LSAMP: variants seen among roughly 807,000 people sequenced by gnomAD.
LSAMP encodes limbic system associated membrane protein.
A neutral mutation model predicts 38.6 loss-of-function variants in LSAMP; 7 were observed. That is an observed-to-expected ratio of 0.18 (90% CI 0.10 to 0.34). The LOEUF (loss-of-function observed/expected upper bound fraction) is 0.34, where lower values mean the gene tolerates loss of function less well. Among genes scored for constraint, LSAMP ranks in the 10% least tolerant of loss-of-function variants. The probability of loss-of-function intolerance (pLI) is 1.00; values close to 1 mark genes in which losing one functional copy is unlikely to be tolerated. For missense variants in LSAMP, 313 were observed against 420.0 expected (o/e 0.75, Z 2.23); for synonymous variants, 154 against 166.8 (o/e 0.92, Z 0.59).
chr3:116,252,391 T>C (rs1377156553), intron 1 of LSAMP, among the ~76,000 whole-genome samples: 1 of 152,176 alleles, frequency 6.6e-6, no homozygotes, highest in Non-Finnish European at 1.5e-5. Flanking sequence ...TTTCAAGCCA[T>C]CCATTTAAAG....
chr3:116,006,087 G>A (rs2107667572), intron 3 of LSAMP, among the ~76,000 whole-genome samples: 1 of 152,314 alleles, frequency 6.6e-6, no homozygotes, highest in Non-Finnish European at 1.5e-5. Context: ...TATATGCTAT[G>A]TACTGAATTG....
rs1474685731 is a variant in LSAMP, at chr3:116,233,671, C to T, written c.156-147115G>A. ...GATAATCATCAAGCTACTCTTTATT[C>T]CCATGAGATTATATTTTTTTTTTAG... On this transcript the variant is annotated intron_variant, in intron 1 of 6. Coordinates refer to ENST00000490035, the MANE Select transcript of LSAMP (RefSeq NM_002338.5). 4.6e-5 allele frequency among the ~76,000 whole-genome samples: 7 copies of T among 151,634 alleles called. No individual in the cohort carries two copies. The East Asian group carries it at 1.4e-3, about 29-fold the overall frequency.
chr3:116,226,307 A>AGG (rs1406824389), intron 1 of LSAMP, among the ~76,000 whole-genome samples: 4 of 152,216 alleles, frequency 2.6e-5, no homozygotes, highest in Admixed American at 1.3e-4. Flanking sequence ...TATCTATTCC[A>AGG]GGGAGAGCAA....
intron 3 of LSAMP, among the ~76,000 whole-genome samples, chr3:116,005,052 T>TA (rs1342680736): frequency 6.6e-6 from 1 of 152,138 alleles, no homozygotes; most frequent in African/African-American, 2.4e-5. Context: ...GTAGTAGTAG[T>TA]AGTAGCAGTG....
chr3:116,038,430 C>A (rs1223031233), intron 2 of LSAMP, among the ~76,000 whole-genome samples: 1 of 152,156 alleles, frequency 6.6e-6, no homozygotes, highest in African/African-American at 2.4e-5. Context: ...AGAGACCTCT[C>A]TCTGGACATA....
intron 1 of LSAMP, among the ~76,000 whole-genome samples, chr3:116,108,344 C>T (rs142502335): frequency 0.011 from 1,610 of 152,122 alleles, 27 homozygotes; most frequent in African/African-American, 0.035. Context: ...TAAAAGAGTA[C>T]TGTCTAAGTT....
intron 2 of LSAMP, among the ~76,000 whole-genome samples, chr3:116,084,354 A>T (rs1707939811): frequency 6.6e-6 from 1 of 151,792 alleles, no homozygotes. Flanking sequence ...AAAGGTAAAT[A>T]AGAAAAAAAA....
At chr3:115,840,453 G>C (rs1204733083) in intron 6 of LSAMP, among the ~76,000 whole-genome samples, 4 of 152,056 alleles carry the variant, frequency 2.6e-5, no homozygotes, top group African/African-American at 9.6e-5. Context: ...TAGGGATATT[G>C]ATGTCTCTAG....
In LSAMP at chr3:116,099,173, A is replaced by G. The variant is rs112951590; in HGVS notation, c.156-12617T>C. Among the ~76,000 whole-genome samples the G allele has an allele frequency of 8.8e-3, 1,339 of 152,342 alleles. 23 individuals carry two copies. Among genetic ancestry groups the G allele is most frequent in the African/African-American group, 0.029 (1,206 of 41,568 alleles). On this transcript the variant is annotated intron_variant, in intron 1 of 6. Coordinates refer to ENST00000490035, the MANE Select transcript of LSAMP (RefSeq NM_002338.5). ...GACAGCTGCAGATGCTTCAGGATGA[A>G]GGTCACACTCTGAATTCTACGAAGA...
At chr3:115,943,209 G>C (rs1937986766) in intron 3 of LSAMP, among the ~76,000 whole-genome samples, 1 of 152,180 alleles carries the variant, frequency 6.6e-6, no homozygotes, top group Non-Finnish European at 1.5e-5. Flanking sequence ...ACTCGTGTCA[G>C]AGAGTACTGG....
chr3:116,222,348 C>A (rs1259467919), intron 1 of LSAMP, among the ~76,000 whole-genome samples: 4 of 151,228 alleles, frequency 2.6e-5, no homozygotes, highest in Non-Finnish European at 4.4e-5. Context: ...CAGTTGCTTG[C>A]CATGGATGAA....
At chr3:116,008,775 G>A (rs1028364507) in intron 3 of LSAMP, among the ~76,000 whole-genome samples, 2 of 152,004 alleles carry the variant, frequency 1.3e-5, no homozygotes, top group South Asian at 4.1e-4. Flanking sequence ...TGGTAGGAAC[G>A]TGGGGAAAGG....
chr3:116,374,849 C>G (rs1350676823), intron 1 of LSAMP, among the ~76,000 whole-genome samples: 3 of 151,798 alleles, frequency 2.0e-5, no homozygotes, highest in African/African-American at 7.2e-5. Context: ...CCTAGGACCC[C>G]AGAACATGAA....
At chr3:115,965,499 G>A (rs1938773547) in intron 3 of LSAMP, among the ~76,000 whole-genome samples, 1 of 150,626 alleles carries the variant, frequency 6.6e-6, no homozygotes, top group South Asian at 2.1e-4. Flanking sequence ...AGTCATAATA[G>A]AACAGATTAA....
At chr3:116,271,408 T>C (rs1259596785) in intron 1 of LSAMP, among the ~76,000 whole-genome samples, 3 of 152,042 alleles carry the variant, frequency 2.0e-5, no homozygotes, top group Non-Finnish European at 1.5e-5. Flanking sequence ...ATTATATTTC[T>C]GTGGTGTAAG....
rs188532953 is a variant in LSAMP at position 116,266,219 on chromosome 3, A to T, written c.155+178658T>A. Among the ~76,000 whole-genome samples, 509 of 152,306 alleles carry T rather than the reference A, an allele frequency of 3.3e-3. 8 individuals are homozygous for T. The highest frequency in any genetic ancestry group is 0.012 in the African/African-American group (487 of 41,566). ...TACTACTTAATTATCACACCACGTA[A>T]CTAATTAAAAGCAGGATGCTTGTGT... On this transcript the variant is annotated intron_variant, in intron 1 of 6. Coordinates refer to ENST00000490035, the MANE Select transcript of LSAMP (RefSeq NM_002338.5).
chr3:116,252,003 T>C (rs2046690245), intron 1 of LSAMP, among the ~76,000 whole-genome samples: 1 of 152,178 alleles, frequency 6.6e-6, no homozygotes, highest in African/African-American at 2.4e-5. Flanking sequence ...CCAAATCTCA[T>C]GAATTGTTTA....
intron 1 of LSAMP, among the ~76,000 whole-genome samples, chr3:116,324,626 C>T (rs2047745977): frequency 6.6e-6 from 1 of 152,150 alleles, no homozygotes; most frequent in African/African-American, 2.4e-5. Context: ...CCCCTGGATG[C>T]TCTTGTCTTG....
chr3:116,178,937 T>A (rs1204420771), intron 1 of LSAMP, among the ~76,000 whole-genome samples: 1 of 152,174 alleles, frequency 6.6e-6, no homozygotes, highest in East Asian at 1.9e-4. Flanking sequence ...TTTGGGATTT[T>A]ATCAAATTGG....
Sources: gnomAD v4.1 joint callset for allele counts (sites outside exome capture counted in the v4.1 genomes callset) on GRCh38, gnomAD v4.1.1 for gene constraint, MANE v1.5 for transcripts, NCBI Gene and HGNC (gene_info 2026-07-23, HGNC 2026-07-21) for gene names.